The following SMARCA2 variants were observed in gnomAD, a reference collection of about 807,000 sequenced individuals.
SMARCA2 encodes SWI/SNF-related matrix-associated actin-dependent regulator of chromatin subfamily A member 2.
SMARCA2 carries 61 observed loss-of-function variants against 199.8 expected under a neutral mutation model. The observed-to-expected ratio is 0.31, with a 90% CI of 0.25 to 0.38. SMARCA2 has a LOEUF of 0.38. SMARCA2 is among the 10% of genes least tolerant of loss of function. The pLI, the probability that SMARCA2 is intolerant of heterozygous loss-of-function variation, is 1.00. For synonymous variants in SMARCA2, 935 were observed against 732.0 expected (o/e 1.28, Z -4.48); for missense variants, 1,344 against 2,012.2 (o/e 0.67, Z 6.35).
chr9:2,015,428 T>G (rs1818311336), intron 1 of SMARCA2, 24 bp downstream of exon 1: 1 of 152,942 alleles, frequency 6.5e-6, no homozygotes, highest in Non-Finnish European at 1.5e-5. Flanking sequence ...ACAACTCTTT[T>G]CTCCTCTTTC....
intron 27 of SMARCA2, among the ~76,000 whole-genome samples, chr9:2,132,376 T>G (rs1379813339): frequency 6.6e-6 from 1 of 152,228 alleles, no homozygotes; most frequent in East Asian, 1.9e-4. Context: ...TCAGCTCTGT[T>G]TCTCCTGACA....
At chr9:2,085,393 A>G (rs1821757001) in intron 17 of SMARCA2, among the ~76,000 whole-genome samples, 1 of 152,228 alleles carries the variant, frequency 6.6e-6, no homozygotes, top group African/African-American at 2.4e-5. Context: ...AGCTATAGAA[A>G]GAGGTAGTAA....
intron 29 of SMARCA2, among the ~76,000 whole-genome samples, chr9:2,174,680 G>A (rs896516982): frequency 2.0e-5 from 3 of 152,098 alleles, no homozygotes; most frequent in African/African-American, 7.2e-5. Flanking sequence ...CAGCACTTTG[G>A]GAGGCCGAGG....
chr9:2,102,874 A>C (rs367654975), intron 22 of SMARCA2, among the ~76,000 whole-genome samples: 1 of 152,066 alleles, frequency 6.6e-6, no homozygotes, highest in Admixed American at 6.6e-5. Context: ...ATAGAGCCCT[A>C]AAGAGTCTGT....
intron 33 of SMARCA2, 159 bp from the exon 34 acceptor site, chr9:2,192,545 T>A: frequency 1.5e-6 from 1 of 684,894 alleles, no homozygotes; most frequent in Non-Finnish European, 2.7e-6. Context: ...AGACTGTCGA[T>A]GCCTCTTTAA....
At position 2,016,424 on chromosome 9, in the gene SMARCA2, G is replaced by C. The variant is rs1205219398; in HGVS notation, c.-37+1020G>C. The C allele has an allele frequency of 1.3e-5, 2 of 152,372 alleles. No homozygotes were observed. The highest frequency in any genetic ancestry group is 4.8e-5 in the African/African-American group (2 of 41,450). The allele number at this position is 152,372 out of a possible 1,614,324, so 9.4% of individuals were successfully genotyped here. ...CGTTACCCTGCCCTCCCTCTCCCCG[G>C]GTCCGTGTTCTTTTGCTTCGCGTCT... On this transcript the variant is annotated intron_variant, in intron 1 of 33. Transcript: ENST00000349721. This position sits in a 1 kb window ranked among gnomAD's most constrained non-coding sequence, Gnocchi z 5.6.
chr9:2,170,564 A>G lies in SMARCA2; in HGVS notation c.4253+92A>G, dbSNP rs1307473696. 1.9e-6 allele frequency: 3 copies of G among 1,600,844 alleles called. No individual in the cohort carries two copies. Among genetic ancestry groups the G allele is most frequent in the African/African-American group, 1.3e-5 (1 of 74,728 alleles). ...AATCATATAATCGGCCTTTGGAAGCAAATTTCTTCGGTCACCTCCTGATCA... is the reference window on the plus strand; with the variant it reads ...AATCATATAATCGGCCTTTGGAAGCGAATTTCTTCGGTCACCTCCTGATCA... On this transcript the variant is annotated intron_variant, in intron 29 of 33. Transcript: ENST00000349721. The surrounding 1 kb of genome is among the most constrained non-coding windows in gnomAD (Gnocchi z 4.7).
chr9:2,155,720 CTTTT>C (rs59156319), intron 27 of SMARCA2, among the ~76,000 whole-genome samples: 1 of 53,150 alleles, frequency 1.9e-5, no homozygotes, highest in African/African-American at 6.5e-5. Context: ...AAGAGAAAAC[CTTTT>C]TTTTTTTTTT....
At position 2,170,800 on chromosome 9, in the gene SMARCA2, T is replaced by G. The variant is rs560955686; in HGVS notation, c.4253+328T>G. On this transcript the variant is annotated intron_variant, in intron 29 of 33. Coordinates refer to ENST00000349721, the MANE Select transcript of SMARCA2 (RefSeq NM_003070.5). The surrounding 1 kb of genome is among the most constrained non-coding windows in gnomAD (Gnocchi z 4.7). ...TCCCCCTCCCTTCCAGCGCAGCTTC[T>G]GTTGTGTGTTCCTTGGGCCTCTTTA... 2.0e-5 allele frequency among the ~76,000 whole-genome samples: 3 copies of G among 152,216 alleles called. No homozygotes were observed. Among genetic ancestry groups the G allele is most frequent in the Admixed American group, 6.5e-5 (1 of 15,288 alleles).
chr9:2,125,014 T>C (rs1368602545), intron 27 of SMARCA2, among the ~76,000 whole-genome samples: 10 of 152,328 alleles, frequency 6.6e-5, no homozygotes. Context: ...CCAAGCTTTG[T>C]GAAACATGGA....
chr9:2,152,040 T>C (rs1041109806), intron 27 of SMARCA2, among the ~76,000 whole-genome samples: 1 of 152,164 alleles, frequency 6.6e-6, no homozygotes, highest in Admixed American at 6.5e-5. Flanking sequence ...ATGGAGACTA[T>C]AGGAGGACTT....
intron 3 of SMARCA2, among the ~76,000 whole-genome samples, chr9:2,033,399 G>T (rs1819162470): frequency 6.6e-6 from 1 of 152,206 alleles, no homozygotes; most frequent in Non-Finnish European, 1.5e-5. Context: ...TTTATAGATA[G>T]AGAAGATAAA....
chr9:2,130,206 C>A (rs1306373129), intron 27 of SMARCA2, among the ~76,000 whole-genome samples: 1 of 152,202 alleles, frequency 6.6e-6, no homozygotes, highest in African/African-American at 2.4e-5. Flanking sequence ...CCTGACCTTA[C>A]TTCTCTTCCT....
chr9:2,178,022 A>G (rs1826742102), intron 29 of SMARCA2, among the ~76,000 whole-genome samples: 1 of 152,066 alleles, frequency 6.6e-6, no homozygotes, highest in African/African-American at 2.4e-5. Context: ...TAATGAGGAA[A>G]AAAAAAAACG....
chr9:2,095,085 A>G (rs932225653), intron 19 of SMARCA2, among the ~76,000 whole-genome samples: 1 of 150,996 alleles, frequency 6.6e-6, no homozygotes, highest in Non-Finnish European at 1.5e-5. Flanking sequence ...TGAAAAAATT[A>G]GAATTTTTTT....
intron 32 of SMARCA2, among the ~76,000 whole-genome samples, chr9:2,187,609 C>G (rs1488965891): frequency 6.6e-6 from 1 of 151,904 alleles, no homozygotes; most frequent in Non-Finnish European, 1.5e-5. Flanking sequence ...TCTAGGTGTT[C>G]AAGGCTGCAG....
At chr9:2,095,344 A>G (rs1296552006) in intron 19 of SMARCA2, among the ~76,000 whole-genome samples, 2 of 152,128 alleles carry the variant, frequency 1.3e-5, no homozygotes, top group Non-Finnish European at 2.9e-5. Context: ...TCGGCCTCCC[A>G]AAGTGCTGGG....
At chr9:2,070,792 C>G (rs1325352735) in intron 10 of SMARCA2, among the ~76,000 whole-genome samples, 1 of 151,616 alleles carries the variant, frequency 6.6e-6, no homozygotes, top group African/African-American at 2.4e-5. Context: ...ATTATATTGC[C>G]CAATAAATGA....
chr9:2,147,885 A>G (rs1824848354), intron 27 of SMARCA2, among the ~76,000 whole-genome samples: 1 of 150,176 alleles, frequency 6.7e-6, no homozygotes, highest in Non-Finnish European at 1.5e-5. Context: ...GCTGTAGTGC[A>G]GTGGCATGAT....
Sources: gnomAD v4.1 joint callset for allele counts (sites outside exome capture counted in the v4.1 genomes callset) on GRCh38, gnomAD v4.1.1 for gene constraint, Gnocchi (gnomAD v3.1) non-coding constraint, MANE v1.5 for transcripts, NCBI Gene and HGNC (gene_info 2026-07-23, HGNC 2026-07-21) for gene names.